ZNF469: variants seen among roughly 807,000 people sequenced by gnomAD.
ZNF469 encodes the protein zinc finger protein 469.
In ZNF469, 1 loss-of-function variant was observed where a neutral mutation model predicts 1.0. The ratio of observed to expected loss-of-function variants is 1.00; its 90% CI spans 0.35 to 4.73. The LOEUF is 4.73. ZNF469 is among the 30% of genes most tolerant of loss of function. The pLI is 0.16. For synonymous variants in ZNF469, 2,703 were observed against 2,363.4 expected (o/e 1.14, Z -4.17); for missense variants, 6,100 against 5,356.3 (o/e 1.14, Z -4.33).
chr16:88,389,291 G>C (rs553660956), intron 1 of ZNF469, among the ~76,000 whole-genome samples: 1 of 152,362 alleles, frequency 6.6e-6, no homozygotes, highest in East Asian at 1.9e-4. Context: ...CTGTCACTCA[G>C]CGTCACATCT....
chr16:88,134,706 C>T, the ZNF469 span, among the ~76,000 whole-genome samples: 2 of 152,222 alleles, frequency 1.3e-5, no homozygotes, highest in Admixed American at 6.5e-5. Flanking sequence ...GGTGTTGCCA[C>T]GCGTGTAAAT....
At chr16:88,349,465 C>T in the ZNF469 span, among the ~76,000 whole-genome samples, 18 of 149,070 alleles carry the variant, frequency 1.2e-4, no homozygotes, top group African/African-American at 4.5e-4. Flanking sequence ...CACAAGTACG[C>T]ACACCCGGCA....
the ZNF469 span, among the ~76,000 whole-genome samples, chr16:88,263,510 G>A: frequency 2.6e-5 from 4 of 152,206 alleles, no homozygotes; most frequent in African/African-American, 9.6e-5. Flanking sequence ...CAGAGGGAGG[G>A]GCAGGCGTGT....
chr16:88,121,425 C>T, the ZNF469 span, among the ~76,000 whole-genome samples: 8 of 152,304 alleles, frequency 5.3e-5, no homozygotes, highest in African/African-American at 1.9e-4. Flanking sequence ...ATTTCAGTAT[C>T]GATTCTGGCC....
In ZNF469 at chr16:88,437,838, G is replaced by A. The variant is rs1374638969; in HGVS notation, c.10368G>A (p.Pro3456=). 6.5e-6 allele frequency: 10 copies of A among 1,540,692 alleles called. 1 individual carries two copies. In the South Asian group the frequency reaches 7.2e-5, roughly 11 times the overall value. ...QPFAFRGVRR[P]GAPGQKARAL... ...TCGCGTTCCGCGGCGTGCGGAGGCC[G>A]GGAGCGCCGGGACAGAAGGCCCGGG... Residue 3456 remains proline (P), a synonymous_variant, in exon 3 of 3, where the codon CCG becomes CCA. Coordinates refer to ENST00000565624, the MANE Select transcript of ZNF469 (RefSeq NM_001367624.2).
the ZNF469 span, among the ~76,000 whole-genome samples, chr16:88,108,160 C>T: frequency 1.0e-3 from 151 of 144,990 alleles, no homozygotes; most frequent in African/African-American, 3.7e-3. Context: ...TGGGGGTCCA[C>T]GTCTGTGGGG....
rs2142299098 is a variant in ZNF469 at position 88,428,707 on chromosome 16, G to A, written c.1237G>A (p.Ala413Thr). 2 of 1,548,938 alleles carry A rather than the reference G, an allele frequency of 1.3e-6. No homozygotes were observed. The highest frequency in any genetic ancestry group is 1.7e-6 in the Non-Finnish European group (2 of 1,146,784). Residue 413 changes from alanine (A) to threonine (T), a missense_variant, in exon 3 of 3, where the codon GCC becomes ACC. By Grantham distance (58) the Ala-to-Thr change is moderately conservative (BLOSUM62 0). Transcript: ENST00000565624. ...QRHFPGQAYR[A>T]SGVDTSPGPP... is the part of the protein sequence containing the mutation. ...GCACTTTCCAGGGCAGGCGTACAGAGCCAGTGGGGTGGACACCAGCCCGGG... is the reference window on the plus strand; with the variant it reads ...GCACTTTCCAGGGCAGGCGTACAGAACCAGTGGGGTGGACACCAGCCCGGG...
the ZNF469 span, among the ~76,000 whole-genome samples, chr16:88,273,272 G>A: frequency 6.6e-6 from 1 of 151,610 alleles, no homozygotes; most frequent in South Asian, 2.1e-4. Context: ...GACCTTCAGA[G>A]GAAAACAGTC....
rs1033054565 is a variant in ZNF469, at chr16:88,439,086, G to A, written c.11616G>A (p.Pro3872=). ...PKPNSQNKPR[P]PPSEQRKAEP... ...CCAACAGCCAGAACAAACCCAGGCCGCCACCATCAGAGCAGCGGAAGGCAG... is the reference window on the plus strand; with the variant it reads ...CCAACAGCCAGAACAAACCCAGGCCACCACCATCAGAGCAGCGGAAGGCAG... The change falls in exon 3 of 3, where the codon CCG becomes CCA. Residue 3872 remains proline, a synonymous_variant. Coordinates refer to ENST00000565624, the MANE Select transcript of ZNF469 (RefSeq NM_001367624.2). 9.4e-5 allele frequency: 145 copies of A among 1,550,694 alleles called. No individual in the cohort carries two copies. The highest frequency in any genetic ancestry group is 1.1e-4 in the Non-Finnish European group (128 of 1,146,966).
the ZNF469 span, among the ~76,000 whole-genome samples, chr16:88,225,150 C>A: frequency 6.6e-6 from 1 of 152,274 alleles, no homozygotes; most frequent in African/African-American, 2.4e-5. Flanking sequence ...TCTGCCCAAC[C>A]TCCGTTCCCC....
At chr16:88,331,005 G>A in the ZNF469 span, among the ~76,000 whole-genome samples, 10 of 141,892 alleles carry the variant, frequency 7.0e-5, 1 homozygote, top group South Asian at 4.7e-4. Flanking sequence ...CACCACCATC[G>A]TCACCATCAC....
upstream of ZNF469, among the ~76,000 whole-genome samples, chr16:88,380,388 C>CGGGTTTGGAAATTGAAGTCTTTCTT: frequency 1.7e-5 from 2 of 115,436 alleles, no homozygotes; most frequent in East Asian, 3.2e-4. Flanking sequence ...CACGCACTCA[C>CGGGTTTGGAAATTGAAGTCTTTCTT]AGACACGCCC....
At chr16:88,230,169 T>G in the ZNF469 span, among the ~76,000 whole-genome samples, 7 of 152,346 alleles carry the variant, frequency 4.6e-5, no homozygotes, top group South Asian at 1.2e-3. Context: ...ATGAAGATTT[T>G]GGGTTCTAGT....
the ZNF469 span, among the ~76,000 whole-genome samples, chr16:88,188,174 G>A: frequency 6.6e-6 from 1 of 151,952 alleles, no homozygotes; most frequent in African/African-American, 2.4e-5. Context: ...TGCTGCCCTG[G>A]ACAACTCCTC....
At chr16:88,287,084 C>T in the ZNF469 span, among the ~76,000 whole-genome samples, 18 of 152,300 alleles carry the variant, frequency 1.2e-4, no homozygotes, top group African/African-American at 3.8e-4. Flanking sequence ...CTTTTTAAAG[C>T]TTTTCTGAAC....
At chr16:88,312,662 T>A in the ZNF469 span, among the ~76,000 whole-genome samples, 3 of 152,170 alleles carry the variant, frequency 2.0e-5, no homozygotes, top group African/African-American at 7.2e-5. Context: ...AGTGCTTTTG[T>A]TTTTTTGCCC....
chr16:88,233,837 C>T, the ZNF469 span, among the ~76,000 whole-genome samples: 1 of 152,218 alleles, frequency 6.6e-6, no homozygotes, highest in Non-Finnish European at 1.5e-5. Context: ...CGCAGTGCAG[C>T]CGCCTTCTTG....
the ZNF469 span, among the ~76,000 whole-genome samples, chr16:88,183,948 G>A: frequency 6.6e-6 from 1 of 152,028 alleles, no homozygotes; most frequent in Non-Finnish European, 1.5e-5. Flanking sequence ...AGCCACTCGC[G>A]TCTTCCTGGG....
At chr16:88,183,136 A>C in the ZNF469 span, among the ~76,000 whole-genome samples, 1 of 152,258 alleles carries the variant, frequency 6.6e-6, no homozygotes, top group African/African-American at 2.4e-5. Flanking sequence ...GTCATGAGGG[A>C]AATTAACATT....
Sources: allele counts gnomAD v4.1 joint callset (sites outside exome capture counted in the v4.1 genomes callset), GRCh38; gene constraint gnomAD v4.1.1; transcripts MANE v1.5; gene names NCBI Gene and HGNC (gene_info 2026-07-23, HGNC 2026-07-21).